The following CCNY variants were observed in gnomAD, a reference collection of about 807,000 sequenced individuals.
CCNY encodes cyclin Y.
In CCNY, 19 loss-of-function variants were observed where a neutral mutation model predicts 42.8. The ratio of observed to expected loss-of-function variants is 0.44; its 90% CI spans 0.31 to 0.65. CCNY has a LOEUF of 0.65. Among genes scored for constraint, CCNY ranks in the 30% least tolerant of loss-of-function variants. The pLI, the probability that CCNY is intolerant of heterozygous loss-of-function variation, is 0.07. For synonymous variants in CCNY, 165 were observed against 162.7 expected, an observed-to-expected ratio of 1.01 and a Z score of -0.11; for missense variants, 370 against 437.3, an observed-to-expected ratio of 0.85 and a Z score of 1.37.
intron 1 of CCNY, among the ~76,000 whole-genome samples, chr10:35,418,968 G>A (rs1049381382): frequency 2.6e-5 from 4 of 152,014 alleles, no homozygotes; most frequent in Admixed American, 2.6e-4. Context: ...TTATAGGCAC[G>A]CGCCACCACA....
chr10:35,550,985 G>A (rs1841244721), intron 7 of CCNY, among the ~76,000 whole-genome samples: 1 of 152,088 alleles, frequency 6.6e-6, no homozygotes, highest in Non-Finnish European at 1.5e-5. Context: ...TGTGGCATCC[G>A]CTGGGACATT....
At chr10:35,298,946 T>C (rs938676499) in intron 3 of CCNY, among the ~76,000 whole-genome samples, 1 of 152,216 alleles carries the variant, frequency 6.6e-6, no homozygotes, top group Non-Finnish European at 1.5e-5. Context: ...GTGTATGTTT[T>C]GTATGAGCAT....
intron 1 of CCNY, among the ~76,000 whole-genome samples, chr10:35,472,673 G>A (rs529495035): frequency 1.3e-5 from 2 of 152,250 alleles, no homozygotes; most frequent in African/African-American, 4.8e-5. Context: ...GTATATACTC[G>A]TGACATCTAA....
At position 35,569,499 on chromosome 10, in the gene CCNY, A is replaced by C; in HGVS notation, c.*329A>C. The stretch of plus-strand genomic sequence containing the variant: ...AGCAGCCCGGCCCTCTGGAGTCCCC[A>C]TGGGGGCGGTAGCTGAAGTTGGCGA... On this transcript the variant is annotated 3_prime_UTR_variant, in exon 10 of 10. Transcript: ENST00000374704. 3.0e-6 allele frequency: 1 copy of C among 335,574 alleles called. No homozygotes were observed. 20.8% of individuals were successfully genotyped at this position (335,574 alleles called of 1,614,324 possible).
At chr10:35,566,825 C>A (rs1249855267) in intron 9 of CCNY, among the ~76,000 whole-genome samples, 3 of 152,052 alleles carry the variant, frequency 2.0e-5, no homozygotes, top group Non-Finnish European at 2.9e-5. Context: ...TCTGCCTCAG[C>A]CTCCCTAGTA....
At chr10:35,544,635 G>A (rs1467161932) in intron 7 of CCNY, among the ~76,000 whole-genome samples, 4 of 152,156 alleles carry the variant, frequency 2.6e-5, no homozygotes, top group South Asian at 2.1e-4. Context: ...TGTTGGTTAC[G>A]CAGACATCCT....
Position 35,336,585 on chromosome 10 carries a change from G to T in CCNY, c.-469G>T, listed in dbSNP as rs1451122384. Among the ~76,000 whole-genome samples, 1 of 148,594 alleles carries T rather than the reference G, an allele frequency of 6.7e-6. No homozygotes were observed. Among genetic ancestry groups the T allele is most frequent in the Non-Finnish European group, 1.5e-5 (1 of 66,654 alleles). Reference sequence around the variant, plus strand: ...CACGCCCGCTGCCCGCCCGCTCGTCGGCTAGTCCCGCCGTCCGGCGCGGAC... The same window carrying T: ...CACGCCCGCTGCCCGCCCGCTCGTCTGCTAGTCCCGCCGTCCGGCGCGGAC... On this transcript the variant is annotated 5_prime_UTR_variant, in exon 1 of 10. Transcript: ENST00000374704.
At chr10:35,317,149 A>AT (rs1406495369) in intron 3 of CCNY, among the ~76,000 whole-genome samples, 1 of 151,254 alleles carries the variant, frequency 6.6e-6, no homozygotes, top group African/African-American at 2.4e-5. Context: ...GCAGGGCCCA[A>AT]TTTTTTTTTA....
chr10:35,491,491 A>C (rs1589156254), intron 2 of CCNY, among the ~76,000 whole-genome samples: 1 of 152,124 alleles, frequency 6.6e-6, no homozygotes, highest in Admixed American at 6.5e-5. Flanking sequence ...TGTTCCAGAG[A>C]TGTTTTCTGC....
chr10:35,277,138 C>T (rs1459309239), intron 3 of CCNY, among the ~76,000 whole-genome samples: 9 of 152,190 alleles, frequency 5.9e-5, no homozygotes, highest in African/African-American at 4.8e-5. Flanking sequence ...AGGGCAGCCT[C>T]GGTTGGGCTT....
At position 35,274,426 on chromosome 10, in the gene CCNY, G is replaced by T. The variant is rs556707651; in HGVS notation, c.-9+23800G>T. On this transcript the variant is annotated intron_variant, in intron 3 of 11. Coordinates refer to the CCNY transcript ENST00000374706. ...TGTGCTATGCATCTTCTTAGTGGGG[G>T]TGGGGAGGGAATATCCCTGCATACT... Among the ~76,000 whole-genome samples, 6 of 152,262 alleles carry T rather than the reference G, an allele frequency of 3.9e-5. No individual in the cohort carries two copies. In the South Asian group the frequency reaches 1.0e-3, roughly 26 times the overall value.
intron 3 of CCNY, among the ~76,000 whole-genome samples, chr10:35,511,210 G>C (rs1352674997): frequency 6.6e-6 from 1 of 152,240 alleles, no homozygotes; most frequent in African/African-American, 2.4e-5. Flanking sequence ...GTTGGGGGCA[G>C]TGAGCACTCT....
At chr10:35,511,110 C>G (rs1161899870) in intron 3 of CCNY, among the ~76,000 whole-genome samples, 1 of 152,194 alleles carries the variant, frequency 6.6e-6, no homozygotes, top group Non-Finnish European at 1.5e-5. Context: ...ACAGCATGCC[C>G]CTTTCTGCCG....
At chr10:35,376,321 G>A (rs998473669) in intron 1 of CCNY, among the ~76,000 whole-genome samples, 2 of 152,176 alleles carry the variant, frequency 1.3e-5, no homozygotes, top group African/African-American at 4.8e-5. Flanking sequence ...GGTGTATGCC[G>A]AAGATAACTG....
intron 3 of CCNY, among the ~76,000 whole-genome samples, chr10:35,251,589 CTT>C (rs34197441): frequency 0.35 from 48,656 of 138,930 alleles, 7,917 homozygotes; most frequent in African/African-American, 0.43. Flanking sequence ...TTCAATGTCA[CTT>C]TTTTTTTTTT....
chr10:35,385,888 G>A (rs776061434), intron 1 of CCNY, among the ~76,000 whole-genome samples: 2 of 152,132 alleles, frequency 1.3e-5, no homozygotes, highest in Non-Finnish European at 2.9e-5. Flanking sequence ...ATCATCTTAG[G>A]GATTTCATTG....
intron 3 of CCNY, among the ~76,000 whole-genome samples, chr10:35,288,027 A>G (rs1254289521): frequency 6.6e-6 from 1 of 152,238 alleles, no homozygotes; most frequent in African/African-American, 2.4e-5. Flanking sequence ...ACTTTATAAG[A>G]GAATGCAAAA....
At chr10:35,338,970 T>C (rs775140731) in intron 1 of CCNY, among the ~76,000 whole-genome samples, 15 of 152,228 alleles carry the variant, frequency 9.9e-5, no homozygotes, top group African/African-American at 1.2e-4. Context: ...TTCTTTCATT[T>C]CAAAGAAATC....
chr10:35,381,325 C>T (rs530192721), intron 1 of CCNY, among the ~76,000 whole-genome samples: 36 of 152,066 alleles, frequency 2.4e-4, no homozygotes, highest in Middle Eastern at 3.4e-3. Context: ...TTTGGGAGGC[C>T]GAGGCGGGTG....
Sources: gnomAD v4.1 joint callset for allele counts (sites outside exome capture counted in the v4.1 genomes callset) on GRCh38, gnomAD v4.1.1 for gene constraint, MANE v1.5 for transcripts, NCBI Gene and HGNC (gene_info 2026-07-23, HGNC 2026-07-21) for gene names.